Variants in NBAS observed in about 807,000 individuals in gnomAD.
NBAS encodes NBAS subunit of NRZ tethering complex.
NBAS carries 219 observed loss-of-function variants against 302.5 expected under a neutral mutation model. That is an observed-to-expected ratio of 0.72 (90% CI 0.65 to 0.81). The LOEUF (loss-of-function observed/expected upper bound fraction) is 0.81. NBAS is among the 30% of genes least tolerant of loss of function. NBAS has a pLI of 0.00. For missense variants in NBAS, 2,932 were observed against 2,841.6 expected, an observed-to-expected ratio of 1.03 and a Z score of -0.72; for synonymous variants, 1,118 against 1,021.6, an observed-to-expected ratio of 1.09 and a Z score of -1.80.
At chr2:15,212,989 T>C (rs1666488355) in intron 48 of NBAS, among the ~76,000 whole-genome samples, 1 of 152,226 alleles carries the variant, frequency 6.6e-6, no homozygotes, top group South Asian at 2.1e-4. Flanking sequence ...ATCTATGTTC[T>C]CCACTGGTGT....
At chr2:15,549,885 G>A (rs530440153) in intron 6 of NBAS, among the ~76,000 whole-genome samples, 6 of 152,182 alleles carry the variant, frequency 3.9e-5, no homozygotes, top group African/African-American at 1.4e-4. Flanking sequence ...GGGCACAGTG[G>A]CTCACACCTA....
chr2:14,870,087 G>A, the NBAS span, among the ~76,000 whole-genome samples: 151 of 152,308 alleles, frequency 9.9e-4, 1 homozygote, highest in African/African-American at 3.5e-3. Flanking sequence ...GAGCTTAAGA[G>A]TGGTCCCTGA....
intron 26 of NBAS, among the ~76,000 whole-genome samples, chr2:15,401,230 C>A (rs1351937262): frequency 6.6e-6 from 1 of 152,010 alleles, no homozygotes; most frequent in Non-Finnish European, 1.5e-5. Flanking sequence ...CCACTAATGA[C>A]TGCATGAATA....
chr2:14,952,847 C>T, the NBAS span, among the ~76,000 whole-genome samples: 1 of 152,202 alleles, frequency 6.6e-6, no homozygotes, highest in African/African-American at 2.4e-5. Context: ...TGAATCCCTG[C>T]TCTAAGAGAG....
At chr2:15,503,613 A>T (rs1661690921) in intron 11 of NBAS, among the ~76,000 whole-genome samples, 1 of 152,196 alleles carries the variant, frequency 6.6e-6, no homozygotes, top group African/African-American at 2.4e-5. Flanking sequence ...ACTGATATTC[A>T]TCTGGATGAA....
intron 10 of NBAS, 102 bp downstream of exon 10, chr2:15,511,110 A>G: frequency 1.4e-6 from 2 of 1,408,614 alleles, no homozygotes; most frequent in East Asian, 2.3e-5. Flanking sequence ...TTCAAGATGA[A>G]ATTATTTCTT....
intron 35 of NBAS, among the ~76,000 whole-genome samples, chr2:15,334,520 A>C (rs1181592371): frequency 6.6e-6 from 1 of 152,110 alleles, no homozygotes; most frequent in Non-Finnish European, 1.5e-5. Flanking sequence ...CAAAGTGTTC[A>C]CTTGTTCTTT....
chr2:15,245,847 C>T (rs986787069), intron 44 of NBAS, among the ~76,000 whole-genome samples: 3 of 152,144 alleles, frequency 2.0e-5, no homozygotes, highest in Admixed American at 2.0e-4. Context: ...CTCTATTAGA[C>T]ACTCTGGTTT....
At position 15,359,440 on chromosome 2, in the gene NBAS, A is replaced by G. The variant is rs554089305; in HGVS notation, c.3818-3024T>C. Among the ~76,000 whole-genome samples the G allele has an allele frequency of 2.6e-5, 4 of 152,328 alleles. No individual in the cohort carries two copies. The South Asian group carries it at 6.2e-4, about 24-fold the overall frequency. On this transcript the variant is annotated intron_variant, in intron 32 of 51. Transcript: ENST00000281513. Reference sequence around the variant, plus strand: ...AACCTTAAACACAAAATAAGTTTATAGTTTCACTGACAGTACTAATCTTTT... The same window carrying G: ...AACCTTAAACACAAAATAAGTTTATGGTTTCACTGACAGTACTAATCTTTT...
chr2:15,500,622 GAA>G (rs1430038414), intron 11 of NBAS, among the ~76,000 whole-genome samples: 1 of 143,680 alleles, frequency 7.0e-6, no homozygotes, highest in Admixed American at 7.3e-5. Context: ...ATGAAGGAAA[GAA>G]AAAAAGGCTT....
rs199862147 is a variant in NBAS, at chr2:15,467,492, T to A, written c.2019-85A>T. On this transcript the variant is annotated intron_variant, in intron 18 of 51. Coordinates refer to ENST00000281513, the MANE Select transcript of NBAS (RefSeq NM_015909.4). Reference sequence around the variant, plus strand: ...TATAATGAAAATGATTAATATTCCGTTGAGCCCAAAACTCATGAAACAGTT... The same window carrying A: ...TATAATGAAAATGATTAATATTCCGATGAGCCCAAAACTCATGAAACAGTT... The A allele has an allele frequency of 5.9e-3, 8,133 of 1,367,954 alleles. 152 individuals are homozygous for A. Among genetic ancestry groups the A allele is most frequent in the East Asian group, 0.049 (2,121 of 43,334 alleles). 84.7% of individuals were successfully genotyped at this position (1,367,954 alleles called of 1,614,324 possible).
chr2:15,383,897 A>C lies in NBAS; in HGVS notation c.3258-580T>G, dbSNP rs539051921. 3.4e-4 allele frequency among the ~76,000 whole-genome samples: 52 copies of C among 152,198 alleles called. 1 individual carries two copies. The highest frequency in any genetic ancestry group is 1.1e-3 in the Admixed American group (17 of 15,272). ...CAGTCCACAAAGCAACTCACAGAGC[A>C]CTCCAGGAGTTATCTTCTCAAGTGA... is the stretch of plus-strand genomic sequence containing the variant. On this transcript the variant is annotated intron_variant, in intron 28 of 51. Transcript: ENST00000281513.
the NBAS span, among the ~76,000 whole-genome samples, chr2:14,878,904 T>A: frequency 6.6e-6 from 1 of 151,992 alleles, no homozygotes; most frequent in Admixed American, 6.5e-5. Flanking sequence ...TCGACCATTA[T>A]AGCATCATAC....
At chr2:15,470,068 A>G (rs1214916630) in intron 16 of NBAS, among the ~76,000 whole-genome samples, 1 of 152,176 alleles carries the variant, frequency 6.6e-6, no homozygotes, top group African/African-American at 2.4e-5. Context: ...ATAAATTTTA[A>G]TTAAGATTTG....
chr2:14,992,655 T>C, the NBAS span, among the ~76,000 whole-genome samples: 1 of 152,212 alleles, frequency 6.6e-6, no homozygotes, highest in East Asian at 1.9e-4. Context: ...TCTTTGCTTT[T>C]TGGGGACACT....
intron 44 of NBAS, among the ~76,000 whole-genome samples, chr2:15,263,336 C>T (rs1048841137): frequency 6.6e-6 from 1 of 152,102 alleles, no homozygotes; most frequent in Non-Finnish European, 1.5e-5. Flanking sequence ...TCAAGCAATC[C>T]GCCCGCTTCA....
At chr2:15,008,755 A>G in the NBAS span, among the ~76,000 whole-genome samples, 5 of 152,360 alleles carry the variant, frequency 3.3e-5, no homozygotes, top group Admixed American at 6.5e-5. Context: ...CCTAAAGAAT[A>G]GCAGGAAAGC....
chr2:15,025,769 G>A, the NBAS span, among the ~76,000 whole-genome samples: 5 of 152,154 alleles, frequency 3.3e-5, no homozygotes, highest in Admixed American at 2.0e-4. Context: ...CGGCTTGGGC[G>A]CTGGCAGTGT....
In NBAS at chr2:15,379,741, G is replaced by T. The variant is rs1403685205; in HGVS notation, c.3451C>A (p.Pro1151Thr). ...CCTTTATGGGCTATACCAGCTGGAG[G>T]ATTTTCTGAACAAGCACTGCAGTGC... ...MMHCSACSEN[P>T]PAGIAHKGKP... is the part of the protein sequence containing the mutation. The change falls in exon 30 of 52, where the codon CCT becomes ACT. Residue 1151 changes from proline (P) to threonine (T), a missense_variant. Physicochemically the swap from Pro to Thr is conservative, Grantham distance 38. Coordinates refer to ENST00000281513, the MANE Select transcript of NBAS (RefSeq NM_015909.4). 1.2e-6 allele frequency: 2 copies of T among 1,614,048 alleles called. No homozygotes were observed. Among genetic ancestry groups the T allele is most frequent in the Non-Finnish European group, 1.7e-6 (2 of 1,179,980 alleles).
Sources: allele counts gnomAD v4.1 joint callset (sites outside exome capture counted in the v4.1 genomes callset), GRCh38; gene constraint gnomAD v4.1.1; transcripts MANE v1.5; gene names NCBI Gene and HGNC (gene_info 2026-07-23, HGNC 2026-07-21).